Variants in SEMA6D observed in about 807,000 individuals in gnomAD.
SEMA6D encodes the protein semaphorin 6D, also known as semaphorin-6D.
In SEMA6D, 35 loss-of-function variants were observed where a neutral mutation model predicts 106.6. That is an observed-to-expected ratio of 0.33 (90% confidence interval 0.25 to 0.44). The LOEUF (loss-of-function observed/expected upper bound fraction) is 0.44. Ranked by LOEUF, SEMA6D falls within the 20% of genes least tolerant of loss-of-function variation. The probability of loss-of-function intolerance (pLI) is 1.00; values close to 1 mark genes in which losing one functional copy is unlikely to be tolerated. For missense variants in SEMA6D, 1,185 were observed against 1,345.9 expected (o/e 0.88, Z 1.87); for synonymous variants, 499 against 487.7 (o/e 1.02, Z -0.31).
intron 3 of SEMA6D, among the ~76,000 whole-genome samples, chr15:47,543,445 G>A (rs1368823722): frequency 1.3e-5 from 2 of 152,156 alleles, no homozygotes; most frequent in African/African-American, 2.4e-5. Flanking sequence ...CATGTAAGAT[G>A]TGACTTTGCT....
At chr15:47,569,182 C>A (rs956845141) in intron 3 of SEMA6D, among the ~76,000 whole-genome samples, 1 of 152,134 alleles carries the variant, frequency 6.6e-6, no homozygotes, top group Non-Finnish European at 1.5e-5. Context: ...TCACCTGTTA[C>A]ATTAAGCTGT....
At chr15:47,458,809 G>A (rs2042417577) in intron 2 of SEMA6D, among the ~76,000 whole-genome samples, 1 of 151,172 alleles carries the variant, frequency 6.6e-6, no homozygotes, top group Non-Finnish European at 1.5e-5. Flanking sequence ...AAACCTAAAG[G>A]GACAAAAACA....
chr15:47,710,295 T>C (rs1340713653), intron 4 of SEMA6D, among the ~76,000 whole-genome samples: 1 of 152,220 alleles, frequency 6.6e-6, no homozygotes, highest in East Asian at 1.9e-4. Context: ...GGTTGATGGC[T>C]TACAAATGAG....
chr15:47,625,370 C>A (rs987658306), intron 4 of SEMA6D, among the ~76,000 whole-genome samples: 2 of 152,134 alleles, frequency 1.3e-5, no homozygotes, highest in Admixed American at 6.6e-5. Context: ...CAATCATCTG[C>A]CATGTGTGGT....
At chr15:47,344,629 A>G (rs1307472944) in intron 1 of SEMA6D, among the ~76,000 whole-genome samples, 1 of 152,216 alleles carries the variant, frequency 6.6e-6, no homozygotes, top group Non-Finnish European at 1.5e-5. Flanking sequence ...AGAAAGCCAC[A>G]TGGAAGAGAA....
rs1479010123 is a variant in SEMA6D, at chr15:47,754,128, A to C, written c.-54-5617A>C. On this transcript the variant is annotated intron_variant, in intron 1 of 18. Transcript: ENST00000536845. Reference sequence around the variant, plus strand: ...AACTTGTGGCCAGATATGATGGCTCATGGCTGTAATCCCAACACATTGGGA... The same window carrying C: ...AACTTGTGGCCAGATATGATGGCTCCTGGCTGTAATCCCAACACATTGGGA... Among the ~76,000 whole-genome samples the C allele has an allele frequency of 2.6e-5, 4 of 152,330 alleles. No individual in the cohort carries two copies. The East Asian group carries it at 7.7e-4, about 29-fold the overall frequency.
intron 1 of SEMA6D, among the ~76,000 whole-genome samples, chr15:47,338,297 A>G (rs948642434): frequency 1.3e-5 from 2 of 152,208 alleles, no homozygotes; most frequent in African/African-American, 2.4e-5. Flanking sequence ...ACTGTTTGGT[A>G]TACTTGTCTC....
intron 1 of SEMA6D, among the ~76,000 whole-genome samples, chr15:47,719,599 G>C (rs766655191): frequency 1.3e-5 from 2 of 152,080 alleles, no homozygotes; most frequent in Non-Finnish European, 2.9e-5. Context: ...CCTGGGAAAG[G>C]TCTAACATTT....
intron 1 of SEMA6D, among the ~76,000 whole-genome samples, chr15:47,259,865 T>C (rs28891177): frequency 6.6e-6 from 1 of 152,126 alleles, no homozygotes; most frequent in African/African-American, 2.4e-5. Flanking sequence ...GATTTTTTTT[T>C]CTTTTTTGTT....
intron 3 of SEMA6D, among the ~76,000 whole-genome samples, chr15:47,597,677 A>C (rs934600201): frequency 3.3e-5 from 5 of 151,984 alleles, no homozygotes; most frequent in African/African-American, 9.6e-5. Flanking sequence ...AAACTCATAG[A>C]AGCAGAGAGT....
intron 3 of SEMA6D, among the ~76,000 whole-genome samples, chr15:47,571,012 A>G (rs902649652): frequency 2.6e-5 from 4 of 152,188 alleles, no homozygotes; most frequent in African/African-American, 7.2e-5. Flanking sequence ...AAAAGCTGAC[A>G]TACATTTCAG....
At chr15:47,604,866 A>ATTTTTTTTTTT (rs56218960) in intron 4 of SEMA6D, among the ~76,000 whole-genome samples, 2 of 144,170 alleles carry the variant, frequency 1.4e-5, no homozygotes. Context: ...TGCCTGGCTA[A>ATTTTTTTTTTT]TTTTTTTTTT....
chr15:47,527,972 T>C (rs1192544143), intron 3 of SEMA6D, among the ~76,000 whole-genome samples: 2 of 152,222 alleles, frequency 1.3e-5, no homozygotes, highest in African/African-American at 4.8e-5. Flanking sequence ...TCCTGTGCTA[T>C]GTAAGTAAAT....
intron 1 of SEMA6D, among the ~76,000 whole-genome samples, chr15:47,321,178 G>A (rs1276689303): frequency 6.6e-6 from 1 of 152,074 alleles, no homozygotes; most frequent in African/African-American, 2.4e-5. Context: ...GTTCAACCAA[G>A]GGAAGCCCAT....
intron 1 of SEMA6D, among the ~76,000 whole-genome samples, chr15:47,186,192 G>A (rs1310272095): frequency 6.6e-6 from 1 of 152,110 alleles, no homozygotes; most frequent in East Asian, 1.9e-4. Flanking sequence ...TGACATCCCT[G>A]ATGGACCTGC....
chr15:47,587,888 AG>A (rs1259644149), intron 3 of SEMA6D, among the ~76,000 whole-genome samples: 1 of 151,914 alleles, frequency 6.6e-6, no homozygotes, highest in Non-Finnish European at 1.5e-5. Context: ...TTGCATTGTC[AG>A]GTGAGCTCAC....
At chr15:47,576,016 T>C (rs1207713902) in intron 3 of SEMA6D, among the ~76,000 whole-genome samples, 1 of 152,152 alleles carries the variant, frequency 6.6e-6, no homozygotes, top group Non-Finnish European at 1.5e-5. Flanking sequence ...ACATTTGCAT[T>C]ACAAAATATT....
At chr15:47,708,038 A>T (rs1429453342) in intron 4 of SEMA6D, among the ~76,000 whole-genome samples, 1 of 152,124 alleles carries the variant, frequency 6.6e-6, no homozygotes, top group Admixed American at 6.5e-5. Context: ...TTCTACCTCC[A>T]TTAAAGTCAT....
chr15:47,300,666 ATTGT>A lies in SEMA6D; in HGVS notation c.-238-111723_-238-111720del, dbSNP rs369479094. 1.8e-3 allele frequency among the ~76,000 whole-genome samples: 279 copies of A among 152,292 alleles called. 1 individual carries two copies. The highest frequency in any genetic ancestry group is 2.0e-3 in the Non-Finnish European group (133 of 68,024). On this transcript the variant is annotated intron_variant, in intron 1 of 19. Coordinates refer to the SEMA6D transcript ENST00000558014. ...TTAATTTATTAATCAGTAATAGGTG[ATTGT>A]TTGGGAACATGGAAATTGTGGATCC...
Sources: allele counts gnomAD v4.1 joint callset (sites outside exome capture counted in the v4.1 genomes callset), GRCh38; gene constraint gnomAD v4.1.1; transcripts MANE v1.5; gene names NCBI Gene and HGNC (gene_info 2026-07-23, HGNC 2026-07-21).